Variants in KRIT1 observed in about 807,000 individuals in gnomAD.
KRIT1 encodes the protein KRIT1 ankyrin repeat containing.
A neutral mutation model predicts 95.8 loss-of-function variants in KRIT1; 45 were observed. That is an observed-to-expected ratio of 0.47 (90% CI 0.37 to 0.60). KRIT1 has a LOEUF of 0.60. Among genes scored for constraint, KRIT1 ranks in the 20% least tolerant of loss-of-function variants. KRIT1 has a pLI of 0.00. For missense variants in KRIT1, 788 were observed against 877.5 expected (o/e 0.90, Z 1.29); for synonymous variants, 282 against 278.8 (o/e 1.01, Z -0.11).
Position 92,234,525 on chromosome 7 carries a change from T to G in KRIT1, c.913A>C (p.Ser305Arg). Residue 305 changes from serine to arginine, a missense_variant, in exon 10 of 19, where the codon AGC (serine) becomes CGC (arginine). By Grantham distance (110) the Ser-to-Arg change is moderately radical. This residue lies in a region of KRIT1 where 493 missense variants were observed against 582.3 expected (regional missense o/e 0.85). Coordinates refer to ENST00000394505, the MANE Select transcript of KRIT1 (RefSeq NM_194454.3). Reference sequence around the variant, plus strand: ...GAAAATCTTTCACTGAGAAGACGGCTTAGTAATTCTGAATCTCCTTCACAG... The same window carrying G: ...GAAAATCTTTCACTGAGAAGACGGCGTAGTAATTCTGAATCTCCTTCACAG... ...SACEGDSELL[S>R]RLLSERFSVN... The G allele has an allele frequency of 6.2e-7, 1 of 1,611,938 alleles. No homozygotes were observed. Among genetic ancestry groups the G allele is most frequent in the Non-Finnish European group, 8.5e-7 (1 of 1,177,980 alleles).
At chr7:92,213,062 C>G (rs1387288565) in intron 17 of KRIT1, 133 bp downstream of exon 17, 3 of 643,918 alleles carry the variant, frequency 4.7e-6, no homozygotes, top group South Asian at 1.8e-5. Flanking sequence ...TAGTGTCCCC[C>G]TTCCTCTTAT....
chr7:92,238,600 T>C (rs1480978979), intron 5 of KRIT1, among the ~76,000 whole-genome samples: 1 of 152,230 alleles, frequency 6.6e-6, no homozygotes, highest in East Asian at 1.9e-4. Context: ...CATTCTAATA[T>C]ACTTCAGAGG....
chr7:92,221,395 T>C (rs1332988012), intron 14 of KRIT1, among the ~76,000 whole-genome samples: 1 of 151,974 alleles, frequency 6.6e-6, no homozygotes, highest in Non-Finnish European at 1.5e-5. Flanking sequence ...GCCGAGATTG[T>C]GCCACTCCAG....
At position 92,211,085 on chromosome 7, in the gene KRIT1, A is replaced by G. The variant is rs553920925; in HGVS notation, c.2025+2110T>C. Among the ~76,000 whole-genome samples, 33 of 152,356 alleles carry G rather than the reference A, an allele frequency of 2.2e-4. No individual in the cohort carries two copies. The South Asian group carries it at 3.9e-3, about 18-fold the overall frequency. On this transcript the variant is annotated intron_variant, in intron 17 of 18. Transcript: ENST00000394505. ...GAACTTTTATACAGAGTTAGTGGGA[A>G]TATAAACTAGTAGAGCCATTATGGA...
At chr7:92,222,709 T>C (rs949963715) in intron 13 of KRIT1, 113 bp downstream of exon 13, 3 of 712,756 alleles carry the variant, frequency 4.2e-6, no homozygotes, top group Non-Finnish European at 7.3e-6. Context: ...GAGAAGAACA[T>C]TGTATTATTT....
chr7:92,225,849 G>A (rs569013704), intron 11 of KRIT1, 22 bp from the exon 12 acceptor site: 3 of 1,211,982 alleles, frequency 2.5e-6, no homozygotes, highest in Admixed American at 1.7e-5. Context: ...GGTGGGGAGG[G>A]GGAAAAAAGG....
At chr7:92,204,758 C>T (rs2131160439) in intron 17 of KRIT1, among the ~76,000 whole-genome samples, 1 of 152,194 alleles carries the variant, frequency 6.6e-6, no homozygotes, top group African/African-American at 2.4e-5. Flanking sequence ...ACAGATGAAG[C>T]TTTGCTTGCT....
chr7:92,218,860 A>G (rs1163871319), intron 14 of KRIT1, among the ~76,000 whole-genome samples: 2 of 152,122 alleles, frequency 1.3e-5, no homozygotes, highest in Admixed American at 6.5e-5. Flanking sequence ...AACTTACCCA[A>G]TATTTCTTTT....
intron 17 of KRIT1, among the ~76,000 whole-genome samples, chr7:92,212,013 G>A (rs529729528): frequency 1.3e-5 from 2 of 152,130 alleles, no homozygotes; most frequent in Non-Finnish European, 1.5e-5. Context: ...GCTGAGGTAG[G>A]AGGATTGCTT....
At chr7:92,241,383 C>T (rs1389167909) in intron 4 of KRIT1, among the ~76,000 whole-genome samples, 1 of 152,150 alleles carries the variant, frequency 6.6e-6, no homozygotes, top group African/African-American at 2.4e-5. Flanking sequence ...AAATGGTAAG[C>T]CACAGCACTG....
At chr7:92,217,822 T>C (rs936729045) in intron 14 of KRIT1, among the ~76,000 whole-genome samples, 5 of 152,208 alleles carry the variant, frequency 3.3e-5, no homozygotes, top group Admixed American at 6.5e-5. Context: ...TTTTAGATTT[T>C]TGAAGAACCA....
At chr7:92,223,468 C>T (rs953743102) in intron 12 of KRIT1, among the ~76,000 whole-genome samples, 3 of 150,408 alleles carry the variant, frequency 2.0e-5, no homozygotes, top group Admixed American at 2.0e-4. Flanking sequence ...AAAAATTTTA[C>T]TTCCATTACT....
chr7:92,220,281 G>A (rs1794867640), intron 14 of KRIT1, among the ~76,000 whole-genome samples: 1 of 152,110 alleles, frequency 6.6e-6, no homozygotes, highest in African/African-American at 2.4e-5. Context: ...CAATTAAGAT[G>A]ATCATGTGTT....
intron 17 of KRIT1, 95 bp from the exon 18 acceptor site, chr7:92,201,518 A>G (rs746662250): frequency 6.6e-6 from 5 of 757,652 alleles, no homozygotes; most frequent in African/African-American, 5.2e-5. Flanking sequence ...TGCTCTAAAT[A>G]TAATAGTTCA....
chr7:92,213,829 A>G (rs375011464), intron 16 of KRIT1, 63 bp downstream of exon 16: 2 of 944,204 alleles, frequency 2.1e-6, no homozygotes, highest in Non-Finnish European at 3.5e-6. Context: ...TAAAATATTT[A>G]TAACACTAAC....
chr7:92,214,062 T>C (rs1221428460), intron 15 of KRIT1, 83 bp from the exon 16 acceptor site: 2 of 847,132 alleles, frequency 2.4e-6, no homozygotes, highest in East Asian at 4.9e-5. Flanking sequence ...CAAATGGCTT[T>C]CAGTAACGTA....
chr7:92,237,934 T>C (rs1424959303), intron 5 of KRIT1, among the ~76,000 whole-genome samples, 175 bp from the exon 6 acceptor site: 3 of 152,170 alleles, frequency 2.0e-5, no homozygotes, highest in Admixed American at 2.0e-4. Context: ...AATCATTCTG[T>C]GGACAATCCT....
At chr7:92,217,451 C>G (rs1448148856) in intron 14 of KRIT1, among the ~76,000 whole-genome samples, 2 of 152,192 alleles carry the variant, frequency 1.3e-5, no homozygotes, top group African/African-American at 4.8e-5. Flanking sequence ...CCCAGCACCT[C>G]TGATAACCTC....
intron 16 of KRIT1, 144 bp downstream of exon 16, chr7:92,213,748 T>C: frequency 7.7e-6 from 5 of 645,260 alleles, no homozygotes; most frequent in Non-Finnish European, 1.1e-5. Context: ...CTTGCTACTT[T>C]CAATTTCAAG....
Sources: allele counts gnomAD v4.1 joint callset (sites outside exome capture counted in the v4.1 genomes callset), GRCh38; gene constraint gnomAD v4.1.1; regional missense constraint gnomAD v4.1.1; transcripts MANE v1.5; gene names NCBI Gene and HGNC (gene_info 2026-07-23, HGNC 2026-07-21).